Variants in DNMT1 observed in about 807,000 individuals in gnomAD.
The protein encoded by DNMT1 is DNA methyltransferase 1.
Under a neutral mutation model 205.3 loss-of-function variants are expected in DNMT1, and 24 were observed. That is an observed-to-expected ratio of 0.12 (90% CI 0.08 to 0.16). The LOEUF (loss-of-function observed/expected upper bound fraction) is 0.16. Ranked by LOEUF, DNMT1 falls within the 10% of genes least tolerant of loss-of-function variation. The probability of loss-of-function intolerance (pLI) is 1.00; values close to 1 mark genes in which losing one functional copy is unlikely to be tolerated. For missense variants in DNMT1, 1,293 were observed against 2,177.7 expected (o/e 0.59, Z 8.09); for synonymous variants, 817 against 839.8 (o/e 0.97, Z 0.47).
intron 1 of DNMT1, among the ~76,000 whole-genome samples, chr19:10,188,513 C>G (rs975351584): frequency 6.6e-5 from 10 of 152,316 alleles, no homozygotes; most frequent in Admixed American, 5.2e-4. Context: ...GCACTCCAGC[C>G]TGGGTGACAG....
At chr19:10,188,506 C>T (rs963797344) in intron 1 of DNMT1, among the ~76,000 whole-genome samples, 2 of 151,900 alleles carry the variant, frequency 1.3e-5, no homozygotes, top group Non-Finnish European at 2.9e-5. Context: ...TGCCACTGCA[C>T]TCCAGCCTGG....
chr19:10,166,526 T>G (rs2038696264), intron 11 of DNMT1, 72 bp downstream of exon 11: 2 of 1,580,520 alleles, frequency 1.3e-6, no homozygotes, highest in Non-Finnish European at 1.7e-6. Flanking sequence ...AGCCCCACCC[T>G]GCGCACTCCC....
chr19:10,174,773 CTA>C (rs2038900079), intron 7 of DNMT1, among the ~76,000 whole-genome samples: 1 of 151,668 alleles, frequency 6.6e-6, no homozygotes, highest in Non-Finnish European at 1.5e-5. Flanking sequence ...TGGCTCACAC[CTA>C]TAATCCTGGC....
At position 10,138,548 on chromosome 19, in the gene DNMT1, G is replaced by C; in HGVS notation, c.4006C>G (p.Pro1336Ala). Residue 1336 changes from proline to alanine, a missense_variant, in exon 35 of 41, where the codon CCT becomes GCT. Coordinates refer to ENST00000359526, the MANE Select transcript of DNMT1 (RefSeq NM_001130823.3). The surrounding 1 kb of genome is among the most constrained non-coding windows in gnomAD (Gnocchi z 4.1). ...RRRAIILAAA[P>A]GEKLPLFPEP... ...GGGAACAGAGGGAGCTTCTCTCCAG[G>C]GGCCGCGGCCAGGATGATGGCCCGC... is the stretch of plus-strand genomic sequence containing the variant. 1 of 1,611,432 alleles carries C rather than the reference G, an allele frequency of 6.2e-7. No homozygotes were observed. Among genetic ancestry groups the C allele is most frequent in the Non-Finnish European group, 8.5e-7 (1 of 1,180,020 alleles).
chr19:10,146,320 C>CT lies in DNMT1; in HGVS notation c.2894+30dup. The CT allele has an allele frequency of 6.2e-7, 1 of 1,612,198 alleles. No homozygotes were observed. Among genetic ancestry groups the CT allele is most frequent in the South Asian group, 1.1e-5 (1 of 90,960 alleles). On this transcript the variant is annotated intron_variant, in intron 28 of 40. Coordinates refer to ENST00000359526, the MANE Select transcript of DNMT1 (RefSeq NM_001130823.3). The surrounding 1 kb of genome is among the most constrained non-coding windows in gnomAD (Gnocchi z 4.4). ...CCAGCCTGGCTCAGCCTGGAGCGCC[C>CT]TGGCCCCGGCTGCTCCGAGGGGGCA...
chr19:10,177,401 A>G, intron 5 of DNMT1, 34 bp from the exon 6 acceptor site: 6 of 1,598,896 alleles, frequency 3.8e-6, no homozygotes, highest in Non-Finnish European at 5.1e-6. Context: ...AAAAAGAAAA[A>G]AAAAAGCCAC....
rs375464404 is a variant in DNMT1, at chr19:10,166,589, C to T, written c.891+9G>A. ...AGGGGGAGTTCAGAAACAAATAACC[C>T]GCCTTTACTTTCTCGTCTCCATCTT... On this transcript the variant is annotated intron_variant, in intron 11 of 40. Transcript: ENST00000359526. 42 of 1,613,956 alleles carry T rather than the reference C, an allele frequency of 2.6e-5. No homozygotes were observed. The highest frequency in any genetic ancestry group is 4.0e-5 in the African/African-American group (3 of 74,936).
chr19:10,183,581 C>A (rs1039792874), intron 1 of DNMT1, among the ~76,000 whole-genome samples: 2 of 152,040 alleles, frequency 1.3e-5, no homozygotes, highest in Admixed American at 6.6e-5. Flanking sequence ...AGTGGCTGGG[C>A]GTGGTGGCTG....
In DNMT1 at chr19:10,173,117, A is replaced by G. The variant is rs747841682; in HGVS notation, c.741T>C (p.Thr247=). The part of the protein sequence containing the change: ...EPERAKSGTR[T]EKEEERDEKE... ...TTTCATCTCTTTCTTCTTCCTTTTCAGTGCGCGTTCCTGATTTTGCTCTTT... is the reference window on the plus strand; with the variant it reads ...TTTCATCTCTTTCTTCTTCCTTTTCGGTGCGCGTTCCTGATTTTGCTCTTT... The change falls in exon 9 of 41, where the codon ACT becomes ACC. Residue 247 remains threonine (T), a synonymous_variant. Transcript: ENST00000359526. 1.2e-6 allele frequency: 2 copies of G among 1,614,134 alleles called. No homozygotes were observed.
In DNMT1 at chr19:10,154,219, G is replaced by A. The variant is rs1254241794; in HGVS notation, c.2019+74C>T. The A allele has an allele frequency of 6.8e-7, 1 of 1,468,786 alleles. No homozygotes were observed. Among genetic ancestry groups the A allele is most frequent in the Non-Finnish European group, 9.5e-7 (1 of 1,049,842 alleles). The allele number at this position is 1,468,786 out of a possible 1,614,324, so 91.0% of individuals were successfully genotyped here. A position where few individuals can be genotyped will look rare whatever the true frequency, so the allele number is the denominator to read the frequency against. Reference sequence around the variant, plus strand: ...CAGAGTCTCAAGCCACAGAGAGAAAGATGGAGCAGTCCTCAGATCAGGCCA... The same window carrying A: ...CAGAGTCTCAAGCCACAGAGAGAAAAATGGAGCAGTCCTCAGATCAGGCCA... On this transcript the variant is annotated intron_variant, in intron 22 of 40. Coordinates refer to ENST00000359526, the MANE Select transcript of DNMT1 (RefSeq NM_001130823.3). This position sits in a 1 kb window ranked among gnomAD's most constrained non-coding sequence, Gnocchi z 6.3.
intron 37 of DNMT1, 114 bp downstream of exon 37, chr19:10,136,971 C>G: frequency 5.6e-6 from 8 of 1,420,800 alleles, no homozygotes; most frequent in Non-Finnish European, 7.7e-6. Context: ...CTCTGGGACA[C>G]CCAGGCTTGG....
intron 1 of DNMT1, among the ~76,000 whole-genome samples, chr19:10,191,003 C>T (rs2145409160): frequency 6.6e-6 from 1 of 151,846 alleles, no homozygotes; most frequent in East Asian, 1.9e-4. Flanking sequence ...ATCCCAGCTA[C>T]TTGGGACACT....
chr19:10,172,995 A>C, intron 9 of DNMT1, 95 bp downstream of exon 9: 7 of 1,431,732 alleles, frequency 4.9e-6, no homozygotes, highest in Non-Finnish European at 6.9e-6. Flanking sequence ...TTGTTCTTCC[A>C]CGTTCCCCAC....
At position 10,137,289 on chromosome 19, in the gene DNMT1, G is replaced by A. The variant is rs2089504444; in HGVS notation, c.4294-9C>T. On this transcript the variant is annotated splice_polypyrimidine_tract_variant and intron_variant, in intron 36 of 40. Coordinates refer to ENST00000359526, the MANE Select transcript of DNMT1 (RefSeq NM_001130823.3). The surrounding 1 kb of genome is among the most constrained non-coding windows in gnomAD (Gnocchi z 6.4). ...ACCAATGCACTCATGTCCTGAAAGAGTGTGGGGGGCCCAGCTGTCACCTCA... is the reference window on the plus strand; with the variant it reads ...ACCAATGCACTCATGTCCTGAAAGAATGTGGGGGGCCCAGCTGTCACCTCA... The A allele has an allele frequency of 1.9e-6, 3 of 1,600,388 alleles. No homozygotes were observed. The highest frequency in any genetic ancestry group is 2.6e-6 in the Non-Finnish European group (3 of 1,175,164).
chr19:10,163,109 C>T (rs2038613870), intron 12 of DNMT1: 2 of 597,622 alleles, frequency 3.3e-6, no homozygotes, highest in South Asian at 1.9e-5. Flanking sequence ...TTATAGGCAC[C>T]CGCCACCACA....
rs573248196 is a variant in DNMT1, at chr19:10,149,925, G to A, written c.2309C>T (p.Ala770Val). 26 of 1,614,150 alleles carry A rather than the reference G, an allele frequency of 1.6e-5. No homozygotes were observed. The highest frequency in any genetic ancestry group is 2.2e-5 in the South Asian group (2 of 91,082). The part of the protein sequence containing the change: ...KSYYKKVCID[A>V]ETLEVGDCVS... ...ACAGTCCCCCACTTCCAGGGTTTCC[G>A]CATCAATGCACACCTTCTTATAGTA... is the stretch of plus-strand genomic sequence containing the variant. Residue 770 changes from alanine to valine, a missense_variant, in exon 25 of 41, where the codon GCG (alanine) becomes GTG (valine). This residue lies in a region of DNMT1 where 197 missense variants were observed against 353.6 expected (regional missense o/e 0.56). Coordinates refer to ENST00000359526, the MANE Select transcript of DNMT1 (RefSeq NM_001130823.3).
rs995083324 is a variant in DNMT1, at chr19:10,192,299, G to GA, written c.80+2520dup. ...AGATCCTGTCTCTTAAAAAAAAACT[G>GA]AAAAAAACAAGCTAAGTTAGCCACT... On this transcript the variant is annotated intron_variant, in intron 1 of 40. Transcript: ENST00000359526. Among the ~76,000 whole-genome samples, 230 of 151,702 alleles carry GA rather than the reference G, an allele frequency of 1.5e-3. 1 individual carries two copies. The highest frequency in any genetic ancestry group is 5.3e-3 in the African/African-American group (221 of 41,316).
chr19:10,194,765 C>T, intron 1 of DNMT1, 55 bp downstream of exon 1: 4 of 1,542,882 alleles, frequency 2.6e-6, no homozygotes, highest in South Asian at 2.4e-5. Context: ...AAGCGACCCC[C>T]CACCCAGCGC....
At chr19:10,177,222 C>T in intron 6 of DNMT1, 70 bp downstream of exon 6, 6 of 1,394,592 alleles carry the variant, frequency 4.3e-6, no homozygotes, top group East Asian at 2.3e-5. Context: ...TGCCACGTGA[C>T]GCCCTACCAA....
Sources: allele counts gnomAD v4.1 joint callset (sites outside exome capture counted in the v4.1 genomes callset), GRCh38; gene constraint gnomAD v4.1.1; regional missense constraint gnomAD v4.1.1; non-coding constraint Gnocchi (gnomAD v3.1); transcripts MANE v1.5; gene names NCBI Gene and HGNC (gene_info 2026-07-23, HGNC 2026-07-21).